Variants in AUTS2 observed in about 807,000 individuals in gnomAD.
The protein encoded by AUTS2 is activator of transcription and developmental regulator AUTS2.
In AUTS2, 17 loss-of-function variants were observed where a neutral mutation model predicts 112.4. That is an observed-to-expected ratio of 0.15 (90% CI 0.10 to 0.23). AUTS2 has a LOEUF of 0.23. Among genes scored for constraint, AUTS2 ranks in the 10% least tolerant of loss-of-function variants. The pLI, the probability that AUTS2 is intolerant of heterozygous loss-of-function variation, is 1.00. For missense variants in AUTS2, 1,510 were observed against 1,701.6 expected (o/e 0.89, Z 1.98); for synonymous variants, 751 against 702.7 (o/e 1.07, Z -1.09).
intron 1 of AUTS2, among the ~76,000 whole-genome samples, chr7:69,746,516 T>C (rs1180426886): frequency 2.0e-5 from 3 of 152,180 alleles, no homozygotes; most frequent in Non-Finnish European, 4.4e-5. Context: ...GTTACCTTTA[T>C]GCAAAGACTT....
chr7:69,600,538 C>CT (rs370612172), intron 1 of AUTS2, among the ~76,000 whole-genome samples: 59,076 of 85,532 alleles, frequency 0.69, 21,200 homozygotes, highest in East Asian at 0.76. Context: ...CCCCCATATT[C>CT]TTTTTTTTTT....
chr7:69,899,430 C>A lies in AUTS2; in HGVS notation c.454C>A (p.Arg152=), dbSNP rs779089442. ...CCACCCACACCACTACAGCTCAGAT[C>A]GAGAAAATGACCGCAATCTCTGCCA... ...LSHPHHYSSD[R]ENDRNLCQHL... The change falls in exon 2 of 19, where the codon CGA becomes AGA. Residue 152 remains arginine (R), a synonymous_variant. Transcript: ENST00000342771. 4 of 1,613,940 alleles carry A rather than the reference C, an allele frequency of 2.5e-6. No individual in the cohort carries two copies. Among genetic ancestry groups the A allele is most frequent in the South Asian group, 2.2e-5 (2 of 91,076 alleles).
intron 10 of AUTS2, among the ~76,000 whole-genome samples, chr7:70,770,146 A>G (rs1790243906): frequency 6.6e-6 from 1 of 152,224 alleles, no homozygotes; most frequent in South Asian, 2.1e-4. Flanking sequence ...TTTGGGGATT[A>G]GGACATTATA....
At chr7:70,715,789 C>T (rs1810333604) in intron 6 of AUTS2, among the ~76,000 whole-genome samples, 1 of 152,192 alleles carries the variant, frequency 6.6e-6, no homozygotes, top group South Asian at 2.1e-4. Context: ...GCCCTGTCCT[C>T]CCAAAGTGCT....
intron 2 of AUTS2, among the ~76,000 whole-genome samples, chr7:70,046,908 C>T (rs766548966): frequency 5.9e-5 from 9 of 152,132 alleles, no homozygotes; most frequent in Non-Finnish European, 1.0e-4. Context: ...TGTATGTGTG[C>T]ATTTAAACCC....
chr7:69,650,809 C>T (rs1346028465), intron 1 of AUTS2, among the ~76,000 whole-genome samples: 1 of 152,062 alleles, frequency 6.6e-6, no homozygotes, highest in African/African-American at 2.4e-5. Context: ...TGTTTTTTGC[C>T]TTTGTCCCTT....
At chr7:69,754,867 A>G (rs1037606502) in intron 1 of AUTS2, among the ~76,000 whole-genome samples, 2 of 152,198 alleles carry the variant, frequency 1.3e-5, no homozygotes, top group African/African-American at 4.8e-5. Flanking sequence ...CCTAAATTGC[A>G]GGGTTGAGGT....
At chr7:69,918,014 T>C (rs1222108678) in intron 2 of AUTS2, among the ~76,000 whole-genome samples, 1 of 152,124 alleles carries the variant, frequency 6.6e-6, no homozygotes, top group Non-Finnish European at 1.5e-5. Context: ...GGCTAATTTT[T>C]GTATTTTTAG....
intron 1 of AUTS2, among the ~76,000 whole-genome samples, chr7:69,898,915 T>C (rs1794858945): frequency 1.3e-5 from 2 of 152,202 alleles, no homozygotes. Context: ...TGAAACATAA[T>C]TGATGTACCA....
intron 5 of AUTS2, among the ~76,000 whole-genome samples, chr7:70,605,053 A>G (rs1325869254): frequency 6.6e-6 from 1 of 152,226 alleles, no homozygotes; most frequent in Admixed American, 6.5e-5. Flanking sequence ...GGGCGGTTCC[A>G]TTAAGCACGC....
intron 4 of AUTS2, among the ~76,000 whole-genome samples, chr7:70,206,649 C>T (rs914325441): frequency 6.6e-6 from 1 of 152,196 alleles, no homozygotes; most frequent in African/African-American, 2.4e-5. Flanking sequence ...TAGGATACAA[C>T]TGCCATGTAT....
At position 69,599,530 on chromosome 7, in the gene AUTS2, G is replaced by A. The variant is rs1792252273; in HGVS notation, c.-124G>A. 3 of 913,822 alleles carry A rather than the reference G, an allele frequency of 3.3e-6. No individual in the cohort carries two copies. Among genetic ancestry groups the A allele is most frequent in the Non-Finnish European group, 4.3e-6 (3 of 704,682 alleles). 56.6% of individuals were successfully genotyped at this position (913,822 alleles called of 1,614,324 possible). ...CCTTCTTTCGGCCGCCGTCTCCCCC[G>A]CGCCCTCCTCGGGGCGGAGGGAAGC... is the stretch of plus-strand genomic sequence containing the variant. On this transcript the variant is annotated 5_prime_UTR_variant, in exon 1 of 19. Coordinates refer to ENST00000342771, the MANE Select transcript of AUTS2 (RefSeq NM_015570.4). The surrounding 1 kb of genome is among the most constrained non-coding windows in gnomAD (Gnocchi z 7.0).
rs185348199 is a variant in AUTS2 at position 70,254,309 on chromosome 7, T to A, written c.660+119738T>A. On this transcript the variant is annotated intron_variant, in intron 4 of 18. Transcript: ENST00000342771. ...ATATAAAGTATAATCATTAATGTAATTTACTTCTTTCATTCCAGTCTTCAC... is the reference window on the plus strand; with the variant it reads ...ATATAAAGTATAATCATTAATGTAAATTACTTCTTTCATTCCAGTCTTCAC... Among the ~76,000 whole-genome samples the A allele has an allele frequency of 7.1e-4, 108 of 152,324 alleles. No homozygotes were observed. In the Middle Eastern group the frequency reaches 0.014, roughly 19 times the overall value.
chr7:70,037,013 A>T (rs925137969), intron 2 of AUTS2, among the ~76,000 whole-genome samples: 1 of 152,184 alleles, frequency 6.6e-6, no homozygotes. Context: ...CAGGTGTTTT[A>T]AAAAAATAAT....
At chr7:70,070,897 A>T (rs1802735129) in intron 2 of AUTS2, among the ~76,000 whole-genome samples, 1 of 151,688 alleles carries the variant, frequency 6.6e-6, no homozygotes, top group African/African-American at 2.4e-5. Flanking sequence ...AAAAAAAGAA[A>T]GGGAGAGAGG....
At chr7:70,648,237 C>G (rs1449280770) in intron 5 of AUTS2, among the ~76,000 whole-genome samples, 1 of 152,110 alleles carries the variant, frequency 6.6e-6, no homozygotes, top group Non-Finnish European at 1.5e-5. Context: ...TCATAGTACT[C>G]CGCCCCCCTC....
At chr7:69,897,152 C>T (rs1369510122) in intron 1 of AUTS2, among the ~76,000 whole-genome samples, 3 of 152,130 alleles carry the variant, frequency 2.0e-5, no homozygotes, top group African/African-American at 2.4e-5. Context: ...GAATAGAGTA[C>T]TTTGTATTAC....
chr7:70,702,012 C>T (rs1457158942), intron 6 of AUTS2, among the ~76,000 whole-genome samples: 1 of 152,222 alleles, frequency 6.6e-6, no homozygotes, highest in Non-Finnish European at 1.5e-5. Flanking sequence ...GTCTATTCAA[C>T]ATGGCTAGTA....
intron 4 of AUTS2, among the ~76,000 whole-genome samples, chr7:70,237,348 A>G (rs528506121): frequency 6.6e-6 from 1 of 152,276 alleles, no homozygotes; most frequent in South Asian, 2.1e-4. Flanking sequence ...TTAAAATACA[A>G]TTACCTTTAA....
Sources: allele counts gnomAD v4.1 joint callset (sites outside exome capture counted in the v4.1 genomes callset), GRCh38; gene constraint gnomAD v4.1.1; non-coding constraint Gnocchi (gnomAD v3.1); transcripts MANE v1.5; gene names NCBI Gene and HGNC (gene_info 2026-07-23, HGNC 2026-07-21).